Variants in RNF169 observed in about 807,000 individuals in gnomAD.
The protein encoded by RNF169 is E3 ubiquitin-protein ligase RNF169.
A neutral mutation model predicts 53.9 loss-of-function variants in RNF169; 24 were observed. The ratio of observed to expected loss-of-function variants is 0.45; its 90% CI spans 0.32 to 0.63. The LOEUF (loss-of-function observed/expected upper bound fraction) is 0.63. Ranked by LOEUF, RNF169 falls within the 20% of genes least tolerant of loss-of-function variation. The pLI, the probability that RNF169 is intolerant of heterozygous loss-of-function variation, is 0.04. For missense variants in RNF169, 883 were observed against 906.2 expected (o/e 0.97, Z 0.33); for synonymous variants, 396 against 363.5 (o/e 1.09, Z -1.02).
At chr11:74,834,883 C>T in intron 5 of RNF169, 108 bp downstream of exon 5, 1 of 657,056 alleles carries the variant, frequency 1.5e-6, no homozygotes, top group Non-Finnish European at 2.6e-6. Flanking sequence ...AGAATGAGCC[C>T]AGGCATACTA....
Position 74,835,580 on chromosome 11 carries a change from T to C in RNF169, c.977T>C (p.Ile326Thr), listed in dbSNP as rs1336555205. 3 of 1,614,166 alleles carry C rather than the reference T, an allele frequency of 1.9e-6. No homozygotes were observed. In the Admixed American group the frequency reaches 5.0e-5, roughly 27 times the overall value. ...TTMTPASNPI[I>T]GVLLSTQNNR... is the part of the protein sequence containing the mutation. Reference sequence around the variant, plus strand: ...ATGACTCCAGCCTCCAACCCCATCATTGGTGTCCTCTTGTCAACTCAAAAC... The same window carrying C: ...ATGACTCCAGCCTCCAACCCCATCACTGGTGTCCTCTTGTCAACTCAAAAC... Residue 326 changes from isoleucine (I) to threonine (T), a missense_variant, in exon 6 of 6, where the codon ATT becomes ACT. Around this residue, in one of 3 missense-constraint regions of RNF169, gnomAD observed 219 missense variants for 289.1 expected, o/e 0.76. Transcript: ENST00000299563.
At chr11:74,797,734 C>T (rs1292821307) in intron 2 of RNF169, among the ~76,000 whole-genome samples, 2 of 152,146 alleles carry the variant, frequency 1.3e-5, no homozygotes, top group Non-Finnish European at 2.9e-5. Context: ...CATCCCAGCA[C>T]TTTCGGAGGC....
chr11:74,817,745 G>A (rs1189507859), intron 4 of RNF169, 31 bp downstream of exon 4: 9 of 1,416,590 alleles, frequency 6.4e-6, no homozygotes, highest in Middle Eastern at 3.5e-4. Flanking sequence ...TCAGTCAGGG[G>A]TCTTTGGTTT....
At chr11:74,818,936 C>G (rs890987261) in intron 4 of RNF169, among the ~76,000 whole-genome samples, 75 of 152,124 alleles carry the variant, frequency 4.9e-4, no homozygotes, top group Non-Finnish European at 7.3e-5. Context: ...AATTTCTGCT[C>G]TACCCTTCTT....
chr11:74,781,417 A>G (rs547868246), intron 1 of RNF169, among the ~76,000 whole-genome samples: 1 of 152,364 alleles, frequency 6.6e-6, no homozygotes, highest in South Asian at 2.1e-4. Context: ...GAAGAGGAAT[A>G]AAACCAGACA....
chr11:74,768,691 A>T (rs1339357107), intron 1 of RNF169, among the ~76,000 whole-genome samples: 3 of 152,082 alleles, frequency 2.0e-5, no homozygotes, highest in Non-Finnish European at 4.4e-5. Context: ...ATGAAAATGG[A>T]GTAGAGAAAG....
At chr11:74,794,041 T>C (rs550531043) in intron 2 of RNF169, among the ~76,000 whole-genome samples, 1 of 152,318 alleles carries the variant, frequency 6.6e-6, no homozygotes, top group East Asian at 1.9e-4. Flanking sequence ...TAGTATGTGC[T>C]AGGCACTGGG....
chr11:74,821,756 G>A, intron 4 of RNF169, among the ~76,000 whole-genome samples: 1 of 152,102 alleles, frequency 6.6e-6, no homozygotes. Context: ...TAGGGCTGGA[G>A]GAAGTGGGGT....
intron 2 of RNF169, among the ~76,000 whole-genome samples, chr11:74,790,128 G>T (rs1428324794): frequency 2.6e-5 from 4 of 152,210 alleles, no homozygotes; most frequent in Non-Finnish European, 5.9e-5. Flanking sequence ...TCAGTAAGGA[G>T]ATAGTGAAAT....
chr11:74,832,723 CAATT>C (rs2036198591), intron 4 of RNF169, among the ~76,000 whole-genome samples: 1 of 152,126 alleles, frequency 6.6e-6, no homozygotes, highest in African/African-American at 2.4e-5. Flanking sequence ...TCACACCAAA[CAATT>C]GATATATTTG....
chr11:74,785,254 G>GATATATATATGTTATATATGTTAGAT (rs372269376), intron 1 of RNF169, among the ~76,000 whole-genome samples: 19 of 135,706 alleles, frequency 1.4e-4, no homozygotes, highest in African/African-American at 2.2e-4. Context: ...ATATATGTTA[G>GATATATATATGTTATATATGTTAGAT]ATATATATGT....
intron 1 of RNF169, among the ~76,000 whole-genome samples, chr11:74,766,619 G>A (rs1003716564): frequency 2.0e-5 from 3 of 152,184 alleles, no homozygotes; most frequent in Non-Finnish European, 2.9e-5. Context: ...CTTCAAATTT[G>A]TTCCAGGAGA....
At chr11:74,786,244 C>CTTT (rs140407738) in intron 1 of RNF169, among the ~76,000 whole-genome samples, 2 of 131,356 alleles carry the variant, frequency 1.5e-5, no homozygotes, top group East Asian at 2.2e-4. Context: ...TGGCCTGTTT[C>CTTT]TTTTTTTTTT....
intron 2 of RNF169, 144 bp from the exon 3 acceptor site, chr11:74,810,040 A>C (rs1394647711): frequency 1.5e-6 from 1 of 673,062 alleles, no homozygotes; most frequent in Admixed American, 3.1e-5. Context: ...TTTACTTAGA[A>C]ATCAAGAGGG....
chr11:74,771,389 T>C (rs1046597077), intron 1 of RNF169, among the ~76,000 whole-genome samples: 20 of 152,236 alleles, frequency 1.3e-4, no homozygotes, highest in African/African-American at 4.1e-4. Flanking sequence ...ACACAGACTT[T>C]GTTTTATGCA....
chr11:74,812,256 T>C (rs1276554028), intron 3 of RNF169, among the ~76,000 whole-genome samples: 6 of 152,082 alleles, frequency 3.9e-5, no homozygotes, highest in African/African-American at 9.7e-5. Flanking sequence ...ATTTTTGTGA[T>C]TTTTGCCTTT....
intron 2 of RNF169, among the ~76,000 whole-genome samples, chr11:74,800,432 C>T (rs548876489): frequency 4.3e-4 from 66 of 152,234 alleles, no homozygotes; most frequent in African/African-American, 1.5e-3. Flanking sequence ...GAGCTGACTA[C>T]TTGAGTTCAA....
At chr11:74,784,852 C>T (rs1478116833) in intron 1 of RNF169, among the ~76,000 whole-genome samples, 3 of 152,084 alleles carry the variant, frequency 2.0e-5, no homozygotes, top group Non-Finnish European at 2.9e-5. Context: ...ACATCTTCTC[C>T]CACTGATGTG....
intron 4 of RNF169, among the ~76,000 whole-genome samples, chr11:74,818,074 T>C (rs530253593): frequency 6.6e-6 from 1 of 152,340 alleles, no homozygotes; most frequent in South Asian, 2.1e-4. Context: ...TTCTTTTCAA[T>C]GCCTAGACCT....
Sources: allele counts gnomAD v4.1 joint callset (sites outside exome capture counted in the v4.1 genomes callset), GRCh38; gene constraint gnomAD v4.1.1; regional missense constraint gnomAD v4.1.1; transcripts MANE v1.5; gene names NCBI Gene and HGNC (gene_info 2026-07-23, HGNC 2026-07-21).